Variants in KLHL1 observed in about 807,000 individuals in gnomAD.
KLHL1 encodes kelch like family member 1.
KLHL1 carries 47 observed loss-of-function variants against 77.7 expected under a neutral mutation model. The ratio of observed to expected loss-of-function variants is 0.60; its 90% CI spans 0.48 to 0.77. The LOEUF is 0.77. KLHL1 is among the 30% of genes least tolerant of loss of function. The probability of loss-of-function intolerance (pLI) is 0.00; values close to 1 mark genes in which losing one functional copy is unlikely to be tolerated. For missense variants in KLHL1, 925 were observed against 910.8 expected (o/e 1.02, Z -0.20); for synonymous variants, 360 against 325.2 (o/e 1.11, Z -1.15).
At chr13:69,953,459 T>G (rs1418151209) in intron 3 of KLHL1, among the ~76,000 whole-genome samples, 3 of 151,082 alleles carry the variant, frequency 2.0e-5, no homozygotes, top group Admixed American at 6.6e-5. Flanking sequence ...AGAAAAGATG[T>G]CAAAATGTCC....
intron 4 of KLHL1, among the ~76,000 whole-genome samples, chr13:69,927,499 G>T (rs1882853717): frequency 6.6e-6 from 1 of 152,048 alleles, no homozygotes; most frequent in South Asian, 2.1e-4. Context: ...GAAAAGGTTT[G>T]CAAATCATAT....
At chr13:70,027,649 G>T (rs1318520819) in intron 1 of KLHL1, among the ~76,000 whole-genome samples, 55 of 109,328 alleles carry the variant, frequency 5.0e-4, no homozygotes, top group East Asian at 4.5e-3. Flanking sequence ...CAAAATGTAA[G>T]TTGTTTTTTT....
At position 69,896,648 on chromosome 13, in the gene KLHL1, G is replaced by A. The variant is rs911381931; in HGVS notation, c.1015-14153C>T. 2.6e-5 allele frequency among the ~76,000 whole-genome samples: 4 copies of A among 151,750 alleles called. No individual in the cohort carries two copies. In the South Asian group the frequency reaches 6.2e-4, roughly 24 times the overall value. ...TAAATAGAAAGATGAAAAAGGGATG[G>A]CTTTACCGTCAAAGTATTAAAATTT... On this transcript the variant is annotated intron_variant, in intron 4 of 10. Transcript: ENST00000377844.
intron 1 of KLHL1, among the ~76,000 whole-genome samples, chr13:70,081,648 TA>T (rs1175756489): frequency 6.6e-6 from 1 of 152,196 alleles, no homozygotes; most frequent in East Asian, 1.9e-4. Flanking sequence ...TCTATTAAGA[TA>T]AATTCTTTCA....
At chr13:69,809,218 G>A (rs1448578674) in intron 6 of KLHL1, among the ~76,000 whole-genome samples, 1 of 152,000 alleles carries the variant, frequency 6.6e-6, no homozygotes, top group Middle Eastern at 3.2e-3. Flanking sequence ...GAACTCCTGC[G>A]AGATACTAAG....
chr13:69,854,395 G>C (rs1260289721), intron 5 of KLHL1, among the ~76,000 whole-genome samples: 1 of 151,858 alleles, frequency 6.6e-6, no homozygotes, highest in Admixed American at 6.6e-5. Flanking sequence ...AGCTCTCCCA[G>C]GAAAGCATAG....
At chr13:69,947,217 C>T (rs936412108) in intron 3 of KLHL1, among the ~76,000 whole-genome samples, 66 of 152,018 alleles carry the variant, frequency 4.3e-4, no homozygotes, top group African/African-American at 1.6e-3. Flanking sequence ...TCTGCTGGGA[C>T]TCTGACTGAT....
At chr13:69,760,032 A>G (rs1846036042) in intron 7 of KLHL1, among the ~76,000 whole-genome samples, 1 of 152,142 alleles carries the variant, frequency 6.6e-6, no homozygotes, top group Admixed American at 6.6e-5. Flanking sequence ...TTTTCTTTAA[A>G]CCTCTTCTTT....
chr13:69,856,393 T>C (rs1879921270), intron 5 of KLHL1, among the ~76,000 whole-genome samples: 1 of 152,064 alleles, frequency 6.6e-6, no homozygotes, highest in South Asian at 2.1e-4. Context: ...GCTGATTTTC[T>C]TGCTACTACT....
intron 6 of KLHL1, among the ~76,000 whole-genome samples, chr13:69,802,723 C>T (rs565197037): frequency 1.3e-3 from 205 of 151,970 alleles, no homozygotes; most frequent in African/African-American, 4.6e-3. Flanking sequence ...GACCCTCTCA[C>T]GTGCACCCCC....
chr13:69,721,627 A>C (rs1873069163), intron 8 of KLHL1, among the ~76,000 whole-genome samples: 1 of 152,164 alleles, frequency 6.6e-6, no homozygotes, highest in Admixed American at 6.6e-5. Context: ...ATCAGGATGT[A>C]GATTTACAAA....
intron 1 of KLHL1, among the ~76,000 whole-genome samples, chr13:70,052,615 C>T: frequency 6.6e-6 from 1 of 151,504 alleles, no homozygotes. Flanking sequence ...ATTTTATGTG[C>T]CCATATTTAT....
intron 1 of KLHL1, among the ~76,000 whole-genome samples, chr13:70,101,435 A>G (rs190682909): frequency 6.6e-6 from 1 of 151,714 alleles, no homozygotes; most frequent in African/African-American, 2.4e-5. Context: ...ATATATATAT[A>G]ATTTTTTTTT....
chr13:69,906,139 T>C (rs1477217758), intron 4 of KLHL1, among the ~76,000 whole-genome samples: 1 of 152,088 alleles, frequency 6.6e-6, no homozygotes, highest in Non-Finnish European at 1.5e-5. Flanking sequence ...GCATGAGAAC[T>C]ATTCACTTAT....
chr13:70,003,718 G>T (rs563494705), intron 1 of KLHL1, among the ~76,000 whole-genome samples: 3 of 151,730 alleles, frequency 2.0e-5, no homozygotes, highest in African/African-American at 7.2e-5. Flanking sequence ...AATATTTCAT[G>T]AAATTTTGTA....
chr13:69,978,171 T>C (rs1227671429), intron 1 of KLHL1, among the ~76,000 whole-genome samples: 1 of 152,008 alleles, frequency 6.6e-6, no homozygotes, highest in East Asian at 1.9e-4. Flanking sequence ...GTTAACGCAT[T>C]GAATAGAAAA....
intron 5 of KLHL1, among the ~76,000 whole-genome samples, chr13:69,855,267 A>G (rs909681498): frequency 5.3e-5 from 8 of 151,722 alleles, no homozygotes; most frequent in African/African-American, 1.9e-4. Context: ...TGGACTAAGT[A>G]TTTTATCACT....
chr13:70,092,032 C>T (rs1887683013), intron 1 of KLHL1, among the ~76,000 whole-genome samples: 1 of 152,100 alleles, frequency 6.6e-6, no homozygotes, highest in Admixed American at 6.6e-5. Context: ...CAATAAGAAG[C>T]CAGACCTTCA....
intron 4 of KLHL1, among the ~76,000 whole-genome samples, chr13:69,927,650 A>C (rs984627432): frequency 6.6e-6 from 1 of 152,214 alleles, no homozygotes; most frequent in African/African-American, 2.4e-5. Flanking sequence ...AATTCACAAA[A>C]ATTTGCTCAG....
Sources: gnomAD v4.1 joint callset for allele counts (sites outside exome capture counted in the v4.1 genomes callset) on GRCh38, gnomAD v4.1.1 for gene constraint, MANE v1.5 for transcripts, NCBI Gene and HGNC (gene_info 2026-07-23, HGNC 2026-07-21) for gene names.